UBE3B: variants seen among roughly 807,000 people sequenced by gnomAD.
UBE3B encodes ubiquitin-protein ligase E3B.
In UBE3B, 80 loss-of-function variants were observed where a neutral mutation model predicts 132.3. The ratio of observed to expected loss-of-function variants is 0.60; its 90% confidence interval spans 0.50 to 0.73. The LOEUF (loss-of-function observed/expected upper bound fraction) is 0.73. UBE3B is among the 30% of genes least tolerant of loss of function. The pLI is 0.00. For synonymous variants in UBE3B, 487 were observed against 520.4 expected, an observed-to-expected ratio of 0.94 and a Z score of 0.87; for missense variants, 1,196 against 1,362.5, an observed-to-expected ratio of 0.88 and a Z score of 1.92.
intron 23 of UBE3B, among the ~76,000 whole-genome samples, chr12:109,525,299 G>A (rs1592963059): frequency 1.3e-5 from 2 of 152,296 alleles, no homozygotes; most frequent in South Asian, 2.1e-4. Context: ...AAACCAAAGT[G>A]GAGCTGAGTT....
At chr12:109,497,530 T>C (rs1878376017) in intron 9 of UBE3B, among the ~76,000 whole-genome samples, 2 of 152,146 alleles carry the variant, frequency 1.3e-5, no homozygotes, top group South Asian at 4.1e-4. Flanking sequence ...CTTCCATGTA[T>C]ATAGTTTTTC....
At chr12:109,538,166 A>G (rs1203959174), downstream of UBE3B, among the ~76,000 whole-genome samples, 1 of 152,240 alleles carries the variant, frequency 6.6e-6, no homozygotes, top group Non-Finnish European at 1.5e-5. The surrounding 1 kb of genome is among the most constrained non-coding windows in gnomAD (Gnocchi z 4.1). Context: ...AGAGTTTGAG[A>G]AGCGCTGGCC....
intron 18 of UBE3B, among the ~76,000 whole-genome samples, chr12:109,515,669 G>A (rs1039646298): frequency 6.6e-6 from 1 of 152,176 alleles, no homozygotes; most frequent in African/African-American, 2.4e-5. Flanking sequence ...GTGCCCAGCT[G>A]TTACTGTTCT....
At chr12:109,523,768 C>T (rs1371880191) in intron 21 of UBE3B, among the ~76,000 whole-genome samples, 2 of 152,212 alleles carry the variant, frequency 1.3e-5, no homozygotes, top group Admixed American at 1.3e-4. Flanking sequence ...AGCTCCAAAC[C>T]ATGTGTCCTG....
intron 18 of UBE3B, among the ~76,000 whole-genome samples, 200 bp downstream of exon 18, chr12:109,511,503 G>A (rs1209111724): frequency 2.0e-5 from 3 of 152,226 alleles, no homozygotes; most frequent in Admixed American, 6.5e-5. Flanking sequence ...GTGAACTGGC[G>A]ATGCTGGTGG....
At chr12:109,513,785 G>A (rs536361522) in intron 18 of UBE3B, among the ~76,000 whole-genome samples, 5 of 152,036 alleles carry the variant, frequency 3.3e-5, no homozygotes, top group African/African-American at 9.7e-5. Context: ...TGGGGCCCTC[G>A]TCATCTCCTG....
intron 11 of UBE3B, among the ~76,000 whole-genome samples, 174 bp downstream of exon 11, chr12:109,498,527 T>A (rs1276061858): frequency 6.6e-6 from 1 of 152,200 alleles, no homozygotes; most frequent in African/African-American, 2.4e-5. Context: ...AAAAATCACA[T>A]GGAAAATATT....
chr12:109,502,999 CAT>C (rs758631445), intron 13 of UBE3B, 22 bp from the exon 14 acceptor site: 2 of 1,613,954 alleles, frequency 1.2e-6, no homozygotes, highest in African/African-American at 2.7e-5. Context: ...CTGCTGCTCA[CAT>C]GTCTTCTTTT....
chr12:109,479,157 T>C (rs2135722130), intron 1 of UBE3B, among the ~76,000 whole-genome samples: 1 of 152,330 alleles, frequency 6.6e-6, no homozygotes, highest in Middle Eastern at 3.4e-3. Flanking sequence ...TGGGCACTCA[T>C]TTACTTTTTT....
chr12:109,520,358 C>G (rs910268248), intron 19 of UBE3B: 1 of 152,230 alleles, frequency 6.6e-6, no homozygotes, highest in Non-Finnish European at 1.5e-5. Context: ...AAGAGACAAA[C>G]TAAACAGATG....
rs539907300 is a variant in UBE3B, at chr12:109,483,769, A to T, written c.161+57A>T. 2.5e-6 allele frequency: 4 copies of T among 1,578,832 alleles called. No homozygotes were observed. The Admixed American group carries it at 7.4e-5, about 29-fold the overall frequency. On this transcript the variant is annotated intron_variant, in intron 3 of 27. Coordinates refer to ENST00000342494, the MANE Select transcript of UBE3B (RefSeq NM_130466.4). ...CTCTGGCTCCCAATTAATAGCAGATAAATGAGTTTTTTCTCATAAAGTGCT... is the reference window on the plus strand; with the variant it reads ...CTCTGGCTCCCAATTAATAGCAGATTAATGAGTTTTTTCTCATAAAGTGCT...
chr12:109,479,516 G>A (rs1874979146), intron 1 of UBE3B, among the ~76,000 whole-genome samples: 1 of 152,182 alleles, frequency 6.6e-6, no homozygotes, highest in Non-Finnish European at 1.5e-5. Flanking sequence ...AAGAACCAAG[G>A]CCCGCTTTCT....
At chr12:109,487,342 A>G (rs193042160) in intron 6 of UBE3B, among the ~76,000 whole-genome samples, 138 of 152,302 alleles carry the variant, frequency 9.1e-4, no homozygotes, top group Admixed American at 3.9e-3. Flanking sequence ...CACTTTGCTT[A>G]TAAGGATAGA....
intron 7 of UBE3B, 66 bp downstream of exon 7, chr12:109,488,734 T>C (rs1231883685): frequency 4.0e-6 from 6 of 1,510,362 alleles, no homozygotes; most frequent in African/African-American, 1.4e-5. Flanking sequence ...GGGACCTTTT[T>C]TCCTTTGTAA....
chr12:109,511,377 C>A, intron 18 of UBE3B, 74 bp downstream of exon 18: 1 of 1,371,742 alleles, frequency 7.3e-7, no homozygotes, highest in Non-Finnish European at 1.0e-6. Context: ...TCCATCCTTG[C>A]TATGGCAATT....
downstream of UBE3B, among the ~76,000 whole-genome samples, chr12:109,541,615 A>G (rs1883613825): frequency 6.6e-6 from 1 of 152,072 alleles, no homozygotes; most frequent in Non-Finnish European, 1.5e-5. Flanking sequence ...ATTGGCTCCT[A>G]TATTGGTTTC....
intron 7 of UBE3B, among the ~76,000 whole-genome samples, chr12:109,489,279 A>T (rs976181570): frequency 6.6e-6 from 1 of 152,224 alleles, no homozygotes; most frequent in Non-Finnish European, 1.5e-5. Context: ...AATGACAATA[A>T]TGTGGTAAGT....
At chr12:109,501,560 C>T (rs369988714) in intron 13 of UBE3B, 26 bp downstream of exon 13, 60 of 1,601,370 alleles carry the variant, frequency 3.7e-5, no homozygotes, top group Non-Finnish European at 3.7e-5. Flanking sequence ...AGGCCCAACC[C>T]TGTAGCTCCA....
chr12:109,501,874 G>A (rs184132135), intron 13 of UBE3B, among the ~76,000 whole-genome samples: 8 of 151,696 alleles, frequency 5.3e-5, no homozygotes, highest in Admixed American at 3.9e-4. Flanking sequence ...TTATTGCCCA[G>A]GTTTGTTTCC....
Sources: allele counts gnomAD v4.1 joint callset (sites outside exome capture counted in the v4.1 genomes callset), GRCh38; gene constraint gnomAD v4.1.1; non-coding constraint Gnocchi (gnomAD v3.1); transcripts MANE v1.5; gene names NCBI Gene and HGNC (gene_info 2026-07-23, HGNC 2026-07-21).